CIP2A: variants seen among roughly 807,000 people sequenced by gnomAD.
The protein encoded by CIP2A is cellular inhibitor of PP2A, also known as protein CIP2A.
In CIP2A, 103 loss-of-function variants were observed where a neutral mutation model predicts 110.9. The ratio of observed to expected loss-of-function variants is 0.93; its 90% CI spans 0.79 to 1.09. The LOEUF is 1.09. Among genes scored for constraint, CIP2A ranks in the 50% least tolerant of loss-of-function variants. The probability of loss-of-function intolerance (pLI) is 0.00; values close to 1 mark genes in which losing one functional copy is unlikely to be tolerated. For missense variants in CIP2A, 1,088 were observed against 1,038.4 expected (o/e 1.05, Z -0.66); for synonymous variants, 381 against 361.6 (o/e 1.05, Z -0.61).
rs1314154289 is a variant in CIP2A, at chr3:108,551,231, T to C, written c.2636A>G (p.Asn879Ser). The change falls in exon 21 of 21, where the codon AAC (asparagine) becomes AGC (serine). Residue 879 changes from asparagine to serine, a missense_variant. Transcript: ENST00000295746. ...CATTGCTATCATGTGGGAGTGTTTG[T>C]TCAATTCCTCTTGCTGAAGTTTCAC... is the stretch of plus-strand genomic sequence containing the variant. ...SLVKLQQEEL[N>S]KHSHMIAMIH... The C allele has an allele frequency of 6.2e-7, 1 of 1,612,404 alleles. No homozygotes were observed. The highest frequency in any genetic ancestry group is 2.2e-5 in the East Asian group (1 of 44,790).
At chr3:108,574,112 A>G (rs1559697952) in intron 8 of CIP2A, among the ~76,000 whole-genome samples, 1 of 152,136 alleles carries the variant, frequency 6.6e-6, no homozygotes, top group Admixed American at 6.6e-5. Flanking sequence ...ATGGAAGAAA[A>G]TATTTGCATG....
At chr3:108,583,522 T>C (rs1364102303) in intron 2 of CIP2A, among the ~76,000 whole-genome samples, 1 of 152,142 alleles carries the variant, frequency 6.6e-6, no homozygotes, top group Non-Finnish European at 1.5e-5. Context: ...TATTCATTCA[T>C]GTGTAGGAGC....
chr3:108,557,189 C>T (rs767693937), intron 17 of CIP2A, 29 bp downstream of exon 17: 2 of 1,439,054 alleles, frequency 1.4e-6, no homozygotes, highest in Non-Finnish European at 1.9e-6. Context: ...TAGGTTCTAA[C>T]CTTACACAGA....
In CIP2A at chr3:108,582,990, G is replaced by A. The variant is rs751952551; in HGVS notation, c.344C>T (p.Ser115Leu). 3.0e-5 allele frequency: 48 copies of A among 1,607,176 alleles called. No individual in the cohort carries two copies. The Admixed American group carries it at 5.4e-4, about 18-fold the overall frequency. Reference sequence around the variant, plus strand: ...GGGTCTGTATACCTGCAAAAACACCGAATCAGTGTGGCTGCTCCGACAAAC... The same window carrying A: ...GGGTCTGTATACCTGCAAAAACACCAAATCAGTGTGGCTGCTCCGACAAAC... ...GVVCRSSHTD[S>L]VFLQCIQLLQ... Residue 115 changes from serine to leucine, a missense_variant, in exon 3 of 21, where the codon TCG becomes TTG. Transcript: ENST00000295746.
At chr3:108,577,338 A>G (rs993983733) in intron 7 of CIP2A, among the ~76,000 whole-genome samples, 4 of 152,146 alleles carry the variant, frequency 2.6e-5, no homozygotes, top group Non-Finnish European at 5.9e-5. Context: ...GTTAAAGGGG[A>G]AGGGTCAACT....
chr3:108,550,541 C>T lies in CIP2A; in HGVS notation c.*608G>A, dbSNP rs1047977091. On this transcript the variant is annotated 3_prime_UTR_variant, in exon 21 of 21. Coordinates refer to ENST00000295746, the MANE Select transcript of CIP2A (RefSeq NM_020890.3). ...TAATCATTTAAATGTAATAGTTTAACACAATGACAGTTTTCTAATTTTTAT... is the reference window on the plus strand; with the variant it reads ...TAATCATTTAAATGTAATAGTTTAATACAATGACAGTTTTCTAATTTTTAT... 4 of 151,372 alleles carry T rather than the reference C, an allele frequency of 2.6e-5. No individual in the cohort carries two copies. The highest frequency in any genetic ancestry group is 9.7e-5 in the African/African-American group (4 of 41,408). The allele number at this position is 151,372 out of a possible 1,614,324, so 9.4% of individuals were successfully genotyped here.
At position 108,573,039 on chromosome 3, in the gene CIP2A, C is replaced by T. The variant is rs558153393; in HGVS notation, c.894+3232G>A. 2.0e-5 allele frequency among the ~76,000 whole-genome samples: 3 copies of T among 152,072 alleles called. No homozygotes were observed. In the South Asian group the frequency reaches 6.2e-4, roughly 32 times the overall value. ...GTATTAAATTTTATCAAATGCTATT[C>T]CACCTTTAATGAGATAATGTAATTT... On this transcript the variant is annotated intron_variant, in intron 8 of 20. Coordinates refer to ENST00000295746, the MANE Select transcript of CIP2A (RefSeq NM_020890.3).
Position 108,550,357 on chromosome 3 carries a change from C to CA in CIP2A, c.*791dup, listed in dbSNP as rs1373665994. On this transcript the variant is annotated 3_prime_UTR_variant, in exon 21 of 21. Transcript: ENST00000295746. ...CTGAATATGCAGCAAGAGTAGAATC[C>CA]AAATTATCCTTATGTAAATCATAAG... 1.3e-5 allele frequency: 2 copies of CA among 151,176 alleles called. No homozygotes were observed. The highest frequency in any genetic ancestry group is 4.8e-5 in the African/African-American group (2 of 41,312). 9.4% of individuals were successfully genotyped at this position (151,176 alleles called of 1,614,324 possible).
chr3:108,584,061 T>C (rs1209639860), intron 2 of CIP2A, among the ~76,000 whole-genome samples: 1 of 152,212 alleles, frequency 6.6e-6, no homozygotes, highest in African/African-American at 2.4e-5. Context: ...GTAACGGTTA[T>C]CAAATTTTAG....
At chr3:108,556,100 G>T (rs1937793726) in intron 17 of CIP2A, among the ~76,000 whole-genome samples, 2 of 152,134 alleles carry the variant, frequency 1.3e-5, no homozygotes, top group Non-Finnish European at 2.9e-5. Context: ...CACTTTATCA[G>T]TGGTGCCTCA....
chr3:108,571,521 G>C (rs189372810), intron 8 of CIP2A, among the ~76,000 whole-genome samples: 96 of 152,284 alleles, frequency 6.3e-4, no homozygotes, highest in Middle Eastern at 3.4e-3. Context: ...CTGTAGGCAA[G>C]CAATGTTACC....
At chr3:108,585,315 T>C (rs1939009087) in intron 1 of CIP2A, 103 bp from the exon 2 acceptor site, 1 of 1,056,934 alleles carries the variant, frequency 9.5e-7, no homozygotes. Flanking sequence ...CACTGCTACC[T>C]TCCCAATTTA....
At position 108,585,061 on chromosome 3, in the gene CIP2A, T is replaced by C. The variant is rs374293551; in HGVS notation, c.250+4A>G. 89 of 1,601,532 alleles carry C rather than the reference T, an allele frequency of 5.6e-5. No homozygotes were observed. In the South Asian group the frequency reaches 7.6e-4, roughly 14 times the overall value. On this transcript the variant is annotated splice_donor_region_variant and intron_variant, in intron 2 of 20. Transcript: ENST00000295746. Reference sequence around the variant, plus strand: ...AACTAAAAAGGAGAAATTAAATGCATTACCTAGTTGAGACAGCAAACCGAT... The same window carrying C: ...AACTAAAAAGGAGAAATTAAATGCACTACCTAGTTGAGACAGCAAACCGAT...
chr3:108,559,716 A>T, intron 16 of CIP2A, 41 bp downstream of exon 16: 2 of 1,195,034 alleles, frequency 1.7e-6, no homozygotes, highest in Non-Finnish European at 2.3e-6. Context: ...TTTACTTATT[A>T]ATTTTTCTAC....
Position 108,569,394 on chromosome 3 carries a change from A to T in CIP2A, c.1108T>A (p.Phe370Ile), listed in dbSNP as rs1938307181. Residue 370 changes from phenylalanine (F) to isoleucine (I), a missense_variant, in exon 9 of 21, where the codon TTT becomes ATT. Physicochemically the swap from Phe to Ile is conservative, Grantham distance 21. Transcript: ENST00000295746. ...TCTGTCAGTCATCCTATTACCTCAAATATTTCCTTGAACAACTCCAATGCT... is the reference window on the plus strand; with the variant it reads ...TCTGTCAGTCATCCTATTACCTCAATTATTTCCTTGAACAACTCCAATGCT... ...VLALELFKEI[F>I]EDVIDAANCS... The T allele has an allele frequency of 6.2e-7, 1 of 1,610,416 alleles. No homozygotes were observed. Among genetic ancestry groups the T allele is most frequent in the Admixed American group, 1.7e-5 (1 of 59,774 alleles).
chr3:108,572,136 T>G (rs1286231249), intron 8 of CIP2A, among the ~76,000 whole-genome samples: 1 of 152,050 alleles, frequency 6.6e-6, no homozygotes, highest in African/African-American at 2.4e-5. Flanking sequence ...CTATTCCCAT[T>G]CTTTGACTTT....
intron 13 of CIP2A, 89 bp from the exon 14 acceptor site, chr3:108,560,930 T>C: frequency 1.3e-6 from 1 of 784,120 alleles, no homozygotes; most frequent in African/African-American, 1.8e-5. Flanking sequence ...TTTTTAAGAA[T>C]GGGTCCTTTT....
chr3:108,566,436 TCAC>T (rs1311662348), intron 11 of CIP2A, 58 bp downstream of exon 11: 26 of 1,326,534 alleles, frequency 2.0e-5, no homozygotes, highest in African/African-American at 1.8e-4. Context: ...AGGATGAGAA[TCAC>T]CACATCTTTC....
At position 108,589,279 on chromosome 3, in the gene CIP2A, A is replaced by G. The variant is rs141360449; in HGVS notation, c.97T>C (p.Leu33=). The change falls in exon 1 of 21, where the codon TTG becomes CTG. Residue 33 remains leucine (L), a synonymous_variant. Coordinates refer to ENST00000295746, the MANE Select transcript of CIP2A (RefSeq NM_020890.3). ...EANATQLLRH[L]EVISGQKLTR... ...TCTACCCCAGAGCCTCTCACCTCCAAGTGCCGCAAAAGCTGAGTGGCGTTC... is the reference window on the plus strand; with the variant it reads ...TCTACCCCAGAGCCTCTCACCTCCAGGTGCCGCAAAAGCTGAGTGGCGTTC... 2 of 1,613,380 alleles carry G rather than the reference A, an allele frequency of 1.2e-6. No individual in the cohort carries two copies. The highest frequency in any genetic ancestry group is 4.5e-5 in the East Asian group (2 of 44,862).
Sources: gnomAD v4.1 joint callset for allele counts (sites outside exome capture counted in the v4.1 genomes callset) on GRCh38, gnomAD v4.1.1 for gene constraint, MANE v1.5 for transcripts, NCBI Gene and HGNC (gene_info 2026-07-23, HGNC 2026-07-21) for gene names.